Variants in SCHIP1 observed in about 807,000 individuals in gnomAD.
The protein encoded by SCHIP1 is schwannomin interacting protein 1, also known as schwannomin-interacting protein 1.
In SCHIP1, 8 loss-of-function variants were observed where a neutral mutation model predicts 29.7. The observed-to-expected ratio is 0.27, with a 90% CI of 0.16 to 0.49. The LOEUF is 0.49. Ranked by LOEUF, SCHIP1 falls within the 20% of genes least tolerant of loss-of-function variation. The pLI is 0.99. For missense variants in SCHIP1, 193 were observed against 294.6 expected (o/e 0.66, Z 2.52); for synonymous variants, 76 against 94.9 (o/e 0.80, Z 1.16).
At chr3:159,871,312 C>T (rs1437081691) in intron 2 of SCHIP1, among the ~76,000 whole-genome samples, 2 of 119,656 alleles carry the variant, frequency 1.7e-5, no homozygotes, top group South Asian at 2.7e-4. Flanking sequence ...GTACCCATCA[C>T]TTTGTCCGGT....
chr3:159,395,492 T>C, the SCHIP1 span, among the ~76,000 whole-genome samples: 92,280 of 147,990 alleles, frequency 0.62, 29,370 homozygotes, highest in East Asian at 0.73. Context: ...CTGCTTTGAA[T>C]GTGTCCCAGA....
At chr3:159,534,076 C>A in the SCHIP1 span, among the ~76,000 whole-genome samples, 1 of 152,138 alleles carries the variant, frequency 6.6e-6, no homozygotes, top group African/African-American at 2.4e-5. Flanking sequence ...TAAAAGACAA[C>A]TGGACAACAA....
At chr3:159,815,379 T>C in the SCHIP1 span, among the ~76,000 whole-genome samples, 1 of 152,194 alleles carries the variant, frequency 6.6e-6, no homozygotes, top group Non-Finnish European at 1.5e-5. Flanking sequence ...CTCAAGCTTT[T>C]AGACTGGGGA....
the SCHIP1 span, among the ~76,000 whole-genome samples, chr3:159,543,861 A>G: frequency 6.6e-6 from 1 of 152,140 alleles, no homozygotes; most frequent in African/African-American, 2.4e-5. Flanking sequence ...CTATTTCTCC[A>G]CATCCTCTCC....
the SCHIP1 span, among the ~76,000 whole-genome samples, chr3:159,591,382 C>T: frequency 0.012 from 1,880 of 152,140 alleles, 30 homozygotes; most frequent in African/African-American, 0.043. Context: ...GATCTAGAAT[C>T]AGAAATACCA....
chr3:159,778,213 T>A, the SCHIP1 span, among the ~76,000 whole-genome samples: 1 of 151,878 alleles, frequency 6.6e-6, no homozygotes, highest in Non-Finnish European at 1.5e-5. Flanking sequence ...CAGGATGGTC[T>A]CTATCTCCTG....
chr3:159,876,884 G>A (rs941201775), intron 2 of SCHIP1, among the ~76,000 whole-genome samples: 10 of 152,164 alleles, frequency 6.6e-5, no homozygotes, highest in Non-Finnish European at 1.0e-4. Context: ...CCAAGCCATC[G>A]TCCCCCCATC....
At chr3:159,339,987 G>A in the SCHIP1 span, among the ~76,000 whole-genome samples, 4 of 151,930 alleles carry the variant, frequency 2.6e-5, no homozygotes, top group Non-Finnish European at 5.9e-5. Context: ...AGAATTATTA[G>A]AATAATTCTA....
chr3:159,457,849 A>C, the SCHIP1 span, among the ~76,000 whole-genome samples: 1 of 152,186 alleles, frequency 6.6e-6, no homozygotes, highest in Non-Finnish European at 1.5e-5. Context: ...ATATGTAATA[A>C]AAATTATGTA....
At chr3:159,716,148 C>T in the SCHIP1 span, among the ~76,000 whole-genome samples, 8 of 152,288 alleles carry the variant, frequency 5.3e-5, no homozygotes, top group Admixed American at 4.6e-4. Flanking sequence ...TCCAGCCAAA[C>T]TAAGCTTCAT....
chr3:159,840,311 A>G, intron 1 of SCHIP1: 3 of 1,107,604 alleles, frequency 2.7e-6, no homozygotes, highest in Non-Finnish European at 4.0e-6. Context: ...ATATTCAGGG[A>G]TTTTGCCATC....
At chr3:159,622,525 C>T in the SCHIP1 span, among the ~76,000 whole-genome samples, 2 of 152,128 alleles carry the variant, frequency 1.3e-5, no homozygotes, top group African/African-American at 4.8e-5. Flanking sequence ...TCGTAAGGAC[C>T]TTTGCAATTT....
the SCHIP1 span, among the ~76,000 whole-genome samples, chr3:159,793,977 T>C: frequency 1.3e-5 from 2 of 152,176 alleles, no homozygotes; most frequent in African/African-American, 4.8e-5. Flanking sequence ...TCCTCTCTCT[T>C]ATGAGGACCC....
chr3:159,839,735 AT>A (rs1744035918), upstream of SCHIP1: 1 of 246,906 alleles, frequency 4.1e-6, no homozygotes, highest in African/African-American at 2.8e-5. Flanking sequence ...TGCAACATTG[AT>A]TTGTGTCTGT....
the SCHIP1 span, among the ~76,000 whole-genome samples, chr3:159,665,058 G>C: frequency 2.6e-5 from 4 of 152,150 alleles, no homozygotes; most frequent in Non-Finnish European, 5.9e-5. Context: ...AATCACCGGG[G>C]GGACTTTGAA....
chr3:159,626,121 G>GAT, the SCHIP1 span, among the ~76,000 whole-genome samples: 1 of 113,954 alleles, frequency 8.8e-6, no homozygotes, highest in African/African-American at 7.4e-5. Flanking sequence ...TAGATAGATA[G>GAT]ATAGATAGAT....
chr3:159,593,518 C>T, the SCHIP1 span, among the ~76,000 whole-genome samples: 2 of 152,300 alleles, frequency 1.3e-5, no homozygotes, highest in African/African-American at 4.8e-5. Context: ...GTAGCCCAAC[C>T]TCTCTGCGCC....
chr3:159,316,456 G>A, the SCHIP1 span, among the ~76,000 whole-genome samples: 1 of 152,140 alleles, frequency 6.6e-6, no homozygotes, highest in Non-Finnish European at 1.5e-5. Context: ...CAGATTAACA[G>A]TAGATCTGCC....
At chr3:159,536,920 A>G in the SCHIP1 span, among the ~76,000 whole-genome samples, 6 of 152,166 alleles carry the variant, frequency 3.9e-5, no homozygotes, top group African/African-American at 1.4e-4. Context: ...ATTTATGCCT[A>G]TGGTACATGT....
Sources: gnomAD v4.1 joint callset for allele counts (sites outside exome capture counted in the v4.1 genomes callset) on GRCh38, gnomAD v4.1.1 for gene constraint, MANE v1.5 for transcripts, NCBI Gene and HGNC (gene_info 2026-07-23, HGNC 2026-07-21) for gene names.